Variants in RASEF observed in about 807,000 individuals in gnomAD.
RASEF encodes the protein ras and EF-hand domain-containing protein.
Under a neutral mutation model 90.1 loss-of-function variants are expected in RASEF, and 68 were observed. That is an observed-to-expected ratio of 0.75 (90% CI 0.62 to 0.92). The LOEUF (loss-of-function observed/expected upper bound fraction) is 0.92. RASEF is among the 40% of genes least tolerant of loss of function. The pLI is 0.00. For synonymous variants in RASEF, 331 were observed against 345.2 expected, an observed-to-expected ratio of 0.96 and a Z score of 0.46; for missense variants, 949 against 937.2, an observed-to-expected ratio of 1.01 and a Z score of -0.16.
chr9:83,072,244 ATCC>A, the RASEF span, among the ~76,000 whole-genome samples: 3 of 151,918 alleles, frequency 2.0e-5, no homozygotes, highest in Admixed American at 2.0e-4. Context: ...CCCCAACACC[ATCC>A]TCATACCTTC....
At chr9:83,040,923 C>T (rs182007868) in intron 1 of RASEF, among the ~76,000 whole-genome samples, 72 of 152,252 alleles carry the variant, frequency 4.7e-4, no homozygotes, top group African/African-American at 1.5e-3. Context: ...TGCAATGGCA[C>T]GATCTCGGCT....
intron 5 of RASEF, 37 bp downstream of exon 5, chr9:83,012,397 G>A: frequency 8.8e-7 from 1 of 1,141,686 alleles, no homozygotes; most frequent in African/African-American, 1.6e-5. Context: ...TGGTCTAACA[G>A]GAAGTGCATT....
chr9:83,006,806 G>A (rs1829141624), intron 7 of RASEF, among the ~76,000 whole-genome samples: 3 of 152,184 alleles, frequency 2.0e-5, no homozygotes, highest in Admixed American at 2.0e-4. Flanking sequence ...AAAAACTCAG[G>A]GTACGGGCCG....
chr9:83,167,784 T>G, the RASEF span, among the ~76,000 whole-genome samples: 1 of 152,268 alleles, frequency 6.6e-6, no homozygotes, highest in South Asian at 2.1e-4. Flanking sequence ...CATGATCTTT[T>G]GTGACTGGGC....
At chr9:83,186,665 C>CA in the RASEF span, among the ~76,000 whole-genome samples, 1 of 152,072 alleles carries the variant, frequency 6.6e-6, no homozygotes, top group East Asian at 1.9e-4. Flanking sequence ...GACTCACACA[C>CA]AAAAAAGCCA....
chr9:83,092,336 C>T, the RASEF span, among the ~76,000 whole-genome samples: 12 of 152,088 alleles, frequency 7.9e-5, no homozygotes, highest in African/African-American at 2.2e-4. Flanking sequence ...CGGACCCTCG[C>T]GGTGAGTGTT....
At chr9:83,046,361 C>G (rs534044880) in intron 1 of RASEF, among the ~76,000 whole-genome samples, 1 of 152,044 alleles carries the variant, frequency 6.6e-6, no homozygotes. Context: ...GTATAGATAT[C>G]GAGTTGTCTG....
intron 5 of RASEF, 116 bp downstream of exon 5, chr9:83,012,318 T>G: frequency 1.9e-6 from 1 of 513,680 alleles, no homozygotes; most frequent in Non-Finnish European, 3.4e-6. Flanking sequence ...TAAGGACTTT[T>G]TCTAACTACA....
chr9:83,088,231 C>A, the RASEF span, among the ~76,000 whole-genome samples: 1 of 151,838 alleles, frequency 6.6e-6, no homozygotes, highest in African/African-American at 2.4e-5. Flanking sequence ...AGTGTTTTCT[C>A]TATATATTTA....
chr9:83,161,996 C>T, the RASEF span, among the ~76,000 whole-genome samples: 1 of 151,948 alleles, frequency 6.6e-6, no homozygotes, highest in Non-Finnish European at 1.5e-5. Flanking sequence ...CTGTAAATTT[C>T]CCAGTCTCAG....
At chr9:83,102,834 T>C in the RASEF span, among the ~76,000 whole-genome samples, 8 of 152,054 alleles carry the variant, frequency 5.3e-5, no homozygotes, top group Non-Finnish European at 1.2e-4. Flanking sequence ...AGGTAAGAGC[T>C]AGATAAAGGA....
At chr9:82,989,843 A>G (rs754066236) in intron 16 of RASEF, among the ~76,000 whole-genome samples, 2 of 152,236 alleles carry the variant, frequency 1.3e-5, no homozygotes, top group Non-Finnish European at 2.9e-5. Context: ...TTATTTCCTA[A>G]GAATTACTTC....
chr9:83,055,627 A>G (rs1830089151), intron 1 of RASEF: 1 of 718,006 alleles, frequency 1.4e-6, no homozygotes, highest in African/African-American at 1.7e-5. Context: ...CAATGCACAC[A>G]GTGTTATGAG....
At chr9:83,009,033 T>C (rs1050959489) in intron 6 of RASEF, among the ~76,000 whole-genome samples, 11 of 149,248 alleles carry the variant, frequency 7.4e-5, no homozygotes, top group Non-Finnish European at 1.5e-4. Context: ...AACGATAATA[T>C]TTCACTGTTT....
At position 82,990,419 on chromosome 9, in the gene RASEF, T is replaced by C; in HGVS notation, c.2089A>G (p.Ile697Val). 6.2e-7 allele frequency: 1 copy of C among 1,613,934 alleles called. No individual in the cohort carries two copies. Among genetic ancestry groups the C allele is most frequent in the Non-Finnish European group, 8.5e-7 (1 of 1,179,840 alleles). The change falls in exon 16 of 17, where the codon ATA becomes GTA. Residue 697 changes from isoleucine (I) to valine (V), a missense_variant. Physicochemically the swap from Ile to Val is conservative, Grantham distance 29 (BLOSUM62 3). Coordinates refer to ENST00000376447, the MANE Select transcript of RASEF (RefSeq NM_152573.4). ...CETSAKDGSN[I>V]VEAVLHLARE... ...GCAAGGTGCAGAACAGCCTCCACTATGTTAGAACCATCTTTGGCACTTGTT... is the reference window on the plus strand; with the variant it reads ...GCAAGGTGCAGAACAGCCTCCACTACGTTAGAACCATCTTTGGCACTTGTT...
chr9:83,118,371 T>A, the RASEF span, among the ~76,000 whole-genome samples: 1 of 152,190 alleles, frequency 6.6e-6, no homozygotes, highest in South Asian at 2.1e-4. Context: ...TCAAAAATAA[T>A]TAAAGAGGGA....
At chr9:83,178,126 G>C in the RASEF span, among the ~76,000 whole-genome samples, 1 of 152,136 alleles carries the variant, frequency 6.6e-6, no homozygotes, top group African/African-American at 2.4e-5. Flanking sequence ...TCAATAGGGA[G>C]TGAGTTCTTC....
At chr9:83,176,586 T>G in the RASEF span, among the ~76,000 whole-genome samples, 1 of 152,114 alleles carries the variant, frequency 6.6e-6, no homozygotes, top group Admixed American at 6.5e-5. Flanking sequence ...TTTTAATTCC[T>G]TCAATGACTT....
chr9:83,062,352 A>G (rs1318015350), intron 1 of RASEF, 85 bp downstream of exon 1: 9 of 1,312,530 alleles, frequency 6.9e-6, no homozygotes, highest in African/African-American at 1.5e-5. Flanking sequence ...GGGGGGGGCC[A>G]TTGGGTCTGC....
Sources: allele counts gnomAD v4.1 joint callset (sites outside exome capture counted in the v4.1 genomes callset), GRCh38; gene constraint gnomAD v4.1.1; transcripts MANE v1.5; gene names NCBI Gene and HGNC (gene_info 2026-07-23, HGNC 2026-07-21).